Variants in CALB2 observed in about 807,000 individuals in gnomAD.
The protein encoded by CALB2 is calretinin.
In CALB2, 34 loss-of-function variants were observed where a neutral mutation model predicts 45.9. The ratio of observed to expected loss-of-function variants is 0.74; its 90% CI spans 0.56 to 0.99. The LOEUF (loss-of-function observed/expected upper bound fraction) is 0.99, where lower values mean the gene tolerates loss of function less well. CALB2 is among the 50% of genes least tolerant of loss of function. The pLI is 0.00. For missense variants in CALB2, 344 were observed against 339.3 expected (o/e 1.01, Z -0.11); for synonymous variants, 142 against 129.6 (o/e 1.10, Z -0.65).
rs148575352 is a variant in CALB2, at chr16:71,375,240, G to A, written c.261+406G>A. On this transcript the variant is annotated intron_variant, in intron 3 of 10. Transcript: ENST00000302628. ...ATATATACATTTATAATTCACATCA[G>A]TAATTTACATATATATACATAATTT... Among the ~76,000 whole-genome samples, 492 of 152,266 alleles carry A rather than the reference G, an allele frequency of 3.2e-3. 3 individuals are homozygous for A. Among genetic ancestry groups the A allele is most frequent in the South Asian group, 0.012 (56 of 4,820 alleles).
intron 4 of CALB2, among the ~76,000 whole-genome samples, chr16:71,379,389 C>T (rs561562710): frequency 5.2e-4 from 79 of 152,206 alleles, no homozygotes; most frequent in African/African-American, 1.8e-3. Context: ...AAATTCATGT[C>T]TCTTGAGTAA....
At chr16:71,371,478 C>T (rs2042350081) in intron 1 of CALB2, among the ~76,000 whole-genome samples, 1 of 152,190 alleles carries the variant, frequency 6.6e-6, no homozygotes, top group African/African-American at 2.4e-5. Context: ...TCGGCAGGCT[C>T]TGCTAGAGCT....
intron 2 of CALB2, 59 bp from the exon 3 acceptor site, chr16:71,374,686 G>A: frequency 8.4e-7 from 1 of 1,187,242 alleles, no homozygotes. Flanking sequence ...TTCCTGCTCT[G>A]AGATCATGGT....
At chr16:71,365,530 C>T (rs962910139) in intron 1 of CALB2, among the ~76,000 whole-genome samples, 1 of 152,150 alleles carries the variant, frequency 6.6e-6, no homozygotes, top group Non-Finnish European at 1.5e-5. Flanking sequence ...TGAGCAAATG[C>T]GTCTCAGATT....
At position 71,368,697 on chromosome 16, in the gene CALB2, G is replaced by A. The variant is rs148103598; in HGVS notation, c.95-3456G>A. On this transcript the variant is annotated intron_variant, in intron 1 of 10. Coordinates refer to ENST00000302628, the MANE Select transcript of CALB2 (RefSeq NM_001740.5). Reference sequence around the variant, plus strand: ...AAAAGGATTCTACTCTGCCATGCCCGTGTGTCTGGAAAGATTATGTGTGGG... The same window carrying A: ...AAAAGGATTCTACTCTGCCATGCCCATGTGTCTGGAAAGATTATGTGTGGG... 7.9e-4 allele frequency among the ~76,000 whole-genome samples: 120 copies of A among 152,118 alleles called. 1 individual carries two copies. Among genetic ancestry groups the A allele is most frequent in the African/African-American group, 2.8e-3 (117 of 41,500 alleles).
In CALB2 at chr16:71,384,713, C is replaced by G. The variant is rs2145001401; in HGVS notation, c.574-70C>G. 8.8e-6 allele frequency: 5 copies of G among 570,942 alleles called. No homozygotes were observed. The South Asian group carries it at 9.6e-5, about 11-fold the overall frequency. 35.4% of individuals were successfully genotyped at this position (570,942 alleles called of 1,614,324 possible). A position where few individuals can be genotyped will look rare whatever the true frequency, so the allele number is the denominator to read the frequency against. On this transcript the variant is annotated intron_variant, in intron 8 of 10. Transcript: ENST00000302628. ...CACACACCACACACATAAACACACA[C>G]ACACAAACGCACACCCACACACACA...
In CALB2 at chr16:71,358,732, G is replaced by T. The variant is rs930215552; in HGVS notation, c.-61G>T. On this transcript the variant is annotated 5_prime_UTR_variant, in exon 1 of 11. Coordinates refer to ENST00000302628, the MANE Select transcript of CALB2 (RefSeq NM_001740.5). ...CGTGGCGCACAACCCCAGCGCGAGT[G>T]CCAGAGCCCAGCCGGCGCGGAGCGG... 7.4e-7 allele frequency: 1 copy of T among 1,356,650 alleles called. No homozygotes were observed. Among genetic ancestry groups the T allele is most frequent in the Non-Finnish European group, 1.0e-6 (1 of 973,964 alleles). 84.0% of individuals were successfully genotyped at this position (1,356,650 alleles called of 1,614,324 possible). A position where few individuals can be genotyped will look rare whatever the true frequency, so the allele number is the denominator to read the frequency against.
intron 2 of CALB2, among the ~76,000 whole-genome samples, chr16:71,372,433 T>C (rs2042363152): frequency 1.3e-5 from 2 of 152,282 alleles, no homozygotes; most frequent in East Asian, 1.9e-4. Context: ...GGGGTATTCA[T>C]GAGTGGACAC....
chr16:71,370,730 C>CA (rs1049605053), intron 1 of CALB2, among the ~76,000 whole-genome samples: 12 of 151,538 alleles, frequency 7.9e-5, no homozygotes, highest in Non-Finnish European at 1.5e-4. Context: ...GACCCTGTCT[C>CA]AAAAAAAAGG....
chr16:71,390,024 C>A lies in CALB2; in HGVS notation c.*159C>A. ...GAAATGAGAGATAGAGGATGGGCAG[C>A]TGGGGGGCTGTCCTGAGCCCCCTGC... On this transcript the variant is annotated 3_prime_UTR_variant, in exon 11 of 11. Transcript: ENST00000302628. 1 of 605,490 alleles carries A rather than the reference C, an allele frequency of 1.7e-6. No homozygotes were observed. Among genetic ancestry groups the A allele is most frequent in the Non-Finnish European group, 2.9e-6 (1 of 339,810 alleles). The allele number at this position is 605,490 out of a possible 1,614,324, so 37.5% of individuals were successfully genotyped here. A position where few individuals can be genotyped will look rare whatever the true frequency, so the allele number is the denominator to read the frequency against.
intron 1 of CALB2, among the ~76,000 whole-genome samples, chr16:71,361,927 G>A (rs544660268): frequency 2.0e-5 from 3 of 152,184 alleles, no homozygotes; most frequent in African/African-American, 4.8e-5. Flanking sequence ...CTCCTAGTCC[G>A]CAATACCACT....
intron 1 of CALB2, among the ~76,000 whole-genome samples, chr16:71,361,000 T>C (rs2042233144): frequency 6.6e-6 from 1 of 152,158 alleles, no homozygotes; most frequent in Non-Finnish European, 1.5e-5. Flanking sequence ...TTGGGGTTGA[T>C]GGGCAGTTTC....
intron 4 of CALB2, among the ~76,000 whole-genome samples, chr16:71,382,093 AAAGG>A (rs1197560241): frequency 2.3e-4 from 32 of 142,022 alleles, no homozygotes; most frequent in East Asian, 8.2e-4. Flanking sequence ...AAAGAAAGAG[AAAGG>A]AAGGAAGGAA....
intron 2 of CALB2, 98 bp downstream of exon 2, chr16:71,372,327 T>C: frequency 1.2e-6 from 1 of 802,562 alleles, no homozygotes; most frequent in Non-Finnish European, 2.1e-6. Context: ...AGGCCTCATA[T>C]CGCTGGTCTT....
At chr16:71,380,433 C>T (rs911651259) in intron 4 of CALB2, among the ~76,000 whole-genome samples, 4 of 148,894 alleles carry the variant, frequency 2.7e-5, no homozygotes, top group Non-Finnish European at 4.5e-5. Flanking sequence ...CTCAGCCTCC[C>T]GCCGAGCTCG....
chr16:71,371,613 T>C (rs1391254173), intron 1 of CALB2, among the ~76,000 whole-genome samples: 1 of 152,170 alleles, frequency 6.6e-6, no homozygotes, highest in Admixed American at 6.5e-5. Context: ...GTCTTCTTCC[T>C]GGGTCTCTGT....
At chr16:71,382,465 G>A (rs139828802) in intron 4 of CALB2, among the ~76,000 whole-genome samples, 176 of 152,292 alleles carry the variant, frequency 1.2e-3, no homozygotes, top group African/African-American at 4.1e-3. Context: ...TCCCACTTTC[G>A]ATGGTCAAGA....
rs192904236 is a variant in CALB2 at position 71,385,932 on chromosome 16, A to G, written c.699+284A>G. 5.3e-3 allele frequency among the ~76,000 whole-genome samples: 807 copies of G among 152,312 alleles called. 5 individuals carry two copies. Among genetic ancestry groups the G allele is most frequent in the South Asian group, 8.3e-3 (40 of 4,818 alleles). On this transcript the variant is annotated intron_variant, in intron 10 of 10. Coordinates refer to ENST00000302628, the MANE Select transcript of CALB2 (RefSeq NM_001740.5). ...CAGTCCAGTGGCATTGAACATATTC[A>G]TAATATTGCACATGCGTGGCCACCT...
At chr16:71,384,303 A>G (rs2042537764) in intron 7 of CALB2, 36 bp from the exon 8 acceptor site, 1 of 1,587,686 alleles carries the variant, frequency 6.3e-7, no homozygotes, top group Non-Finnish European at 8.6e-7. Context: ...TTGCCTGTGC[A>G]GTCTCCTCAT....
Sources: allele counts gnomAD v4.1 joint callset (sites outside exome capture counted in the v4.1 genomes callset), GRCh38; gene constraint gnomAD v4.1.1; transcripts MANE v1.5; gene names NCBI Gene and HGNC (gene_info 2026-07-23, HGNC 2026-07-21).